The following STARD13 variants were observed in gnomAD, a reference collection of about 807,000 sequenced individuals.
The protein encoded by STARD13 is StAR related lipid transfer domain containing 13, also known as stAR-related lipid transfer protein 13.
STARD13 carries 62 observed loss-of-function variants against 106.4 expected under a neutral mutation model. The ratio of observed to expected loss-of-function variants is 0.58; its 90% CI spans 0.48 to 0.72. STARD13 has a LOEUF of 0.72. Among genes scored for constraint, STARD13 ranks in the 30% least tolerant of loss-of-function variants. The probability of loss-of-function intolerance (pLI) is 0.00; values close to 1 mark genes in which losing one functional copy is unlikely to be tolerated. For missense variants in STARD13, 1,387 were observed against 1,424.0 expected, an observed-to-expected ratio of 0.97 and a Z score of 0.42; for synonymous variants, 565 against 553.0, an observed-to-expected ratio of 1.02 and a Z score of -0.31.
the STARD13 span, among the ~76,000 whole-genome samples, chr13:33,370,678 G>T: frequency 6.8e-6 from 1 of 147,696 alleles, no homozygotes; most frequent in Non-Finnish European, 1.5e-5. Context: ...GAGTATAGTG[G>T]CGCAACCTTG....
At chr13:33,591,661 A>G in the STARD13 span, among the ~76,000 whole-genome samples, 1 of 152,212 alleles carries the variant, frequency 6.6e-6, no homozygotes, top group East Asian at 1.9e-4. Flanking sequence ...TTTGGAGAAA[A>G]GGGATTCTGC....
chr13:33,239,434 T>C (rs1889357653), intron 1 of STARD13, among the ~76,000 whole-genome samples: 1 of 152,168 alleles, frequency 6.6e-6, no homozygotes, highest in Non-Finnish European at 1.5e-5. Flanking sequence ...CTATTTATAA[T>C]CTTTTTTAGG....
At chr13:33,401,441 C>T in the STARD13 span, among the ~76,000 whole-genome samples, 14 of 152,166 alleles carry the variant, frequency 9.2e-5, no homozygotes, top group Admixed American at 1.3e-4. Context: ...TCCCAACAGC[C>T]GCTTGTAGAC....
the STARD13 span, among the ~76,000 whole-genome samples, chr13:33,358,120 C>G: frequency 6.6e-6 from 1 of 152,250 alleles, no homozygotes; most frequent in African/African-American, 2.4e-5. Flanking sequence ...GACTTAGCAC[C>G]CGGGCCAGTG....
At chr13:33,480,142 A>G in the STARD13 span, among the ~76,000 whole-genome samples, 3 of 152,170 alleles carry the variant, frequency 2.0e-5, no homozygotes, top group Admixed American at 6.5e-5. Context: ...CACATATGCT[A>G]TATATAATTT....
chr13:33,136,005 A>G lies in STARD13; in HGVS notation c.388-5716T>C, dbSNP rs975842197. On this transcript the variant is annotated intron_variant, in intron 4 of 13. Coordinates refer to ENST00000336934, the MANE Select transcript of STARD13 (RefSeq NM_178006.4). ...GGTATGGTGGTGCATGCCTGTAGTC[A>G]CAGCTACTCGGGAGGCTGAGGCAGG... Among the ~76,000 whole-genome samples the G allele has an allele frequency of 2.0e-5, 3 of 152,044 alleles. No homozygotes were observed. The East Asian group carries it at 5.8e-4, about 29-fold the overall frequency.
At chr13:33,115,070 C>A (rs2138087053) in intron 8 of STARD13, among the ~76,000 whole-genome samples, 1 of 152,212 alleles carries the variant, frequency 6.6e-6, no homozygotes, top group Middle Eastern at 3.4e-3. Flanking sequence ...CCTCCAATTT[C>A]CACATTCTTT....
chr13:33,612,681 G>T, the STARD13 span, among the ~76,000 whole-genome samples: 5,348 of 152,192 alleles, frequency 0.035, 363 homozygotes, highest in East Asian at 0.29. Flanking sequence ...TCAACCCAAG[G>T]TCTCACTCAA....
chr13:33,539,969 C>G, the STARD13 span, among the ~76,000 whole-genome samples: 1 of 152,204 alleles, frequency 6.6e-6, no homozygotes, highest in Non-Finnish European at 1.5e-5. Flanking sequence ...TCCTACAACT[C>G]AATTACAAAC....
At chr13:33,532,894 C>A in the STARD13 span, among the ~76,000 whole-genome samples, 1 of 152,094 alleles carries the variant, frequency 6.6e-6, no homozygotes, top group South Asian at 2.1e-4. Context: ...ACAAGTGGTT[C>A]TTGTGGACCA....
chr13:33,609,236 T>C, the STARD13 span, among the ~76,000 whole-genome samples: 12 of 151,940 alleles, frequency 7.9e-5, no homozygotes, highest in African/African-American at 2.7e-4. Context: ...AAATTGCAAA[T>C]TTATTTTAAA....
At chr13:33,591,568 T>A in the STARD13 span, among the ~76,000 whole-genome samples, 6 of 152,196 alleles carry the variant, frequency 3.9e-5, no homozygotes, top group Non-Finnish European at 1.5e-5. Context: ...TAAGTCTCAT[T>A]TCATCACTAT....
chr13:33,605,988 C>T, the STARD13 span, among the ~76,000 whole-genome samples: 1 of 152,100 alleles, frequency 6.6e-6, no homozygotes, highest in Non-Finnish European at 1.5e-5. Context: ...CTCTTCATGC[C>T]TCAGATGCCT....
Position 33,104,989 on chromosome 13 carries a change from A to G in STARD13, c.*604T>C, listed in dbSNP as rs1337038966. ...TAGCAGAAACAAAGCGTTAACACAT[A>G]AGTCTCCTTTAATGTTATTTTCCTT... On this transcript the variant is annotated 3_prime_UTR_variant, in exon 14 of 14. Transcript: ENST00000336934. The G allele has an allele frequency of 6.5e-6, 1 of 152,852 alleles. No homozygotes were observed. The highest frequency in any genetic ancestry group is 1.5e-5 in the Non-Finnish European group (1 of 68,036). 9.5% of individuals were successfully genotyped at this position (152,852 alleles called of 1,614,324 possible).
chr13:33,110,494 G>A (rs1368838050), intron 11 of STARD13, among the ~76,000 whole-genome samples, 192 bp downstream of exon 11: 2 of 152,118 alleles, frequency 1.3e-5, no homozygotes, highest in East Asian at 1.9e-4. Flanking sequence ...CCAGCTGTCC[G>A]GCTCCATAGT....
At chr13:33,459,479 G>C in the STARD13 span, among the ~76,000 whole-genome samples, 1 of 152,106 alleles carries the variant, frequency 6.6e-6, no homozygotes, top group African/African-American at 2.4e-5. Context: ...TTTAGAGATA[G>C]CACAATCTGT....
the STARD13 span, among the ~76,000 whole-genome samples, chr13:33,432,999 T>G: frequency 6.6e-6 from 1 of 152,190 alleles, no homozygotes; most frequent in African/African-American, 2.4e-5. Context: ...TAAAATCATG[T>G]TATTGAATAG....
chr13:33,391,027 A>G, the STARD13 span, among the ~76,000 whole-genome samples: 1 of 152,296 alleles, frequency 6.6e-6, no homozygotes, highest in East Asian at 1.9e-4. Context: ...GTGTCACAGA[A>G]AGGATTTTCC....
intron 10 of STARD13, among the ~76,000 whole-genome samples, 154 bp from the exon 11 acceptor site, chr13:33,111,061 G>C (rs534793646): frequency 6.6e-6 from 1 of 152,222 alleles, no homozygotes; most frequent in Admixed American, 6.5e-5. Flanking sequence ...TGCCAAGGCC[G>C]GGAGGGGCCT....
Sources: gnomAD v4.1 joint callset for allele counts (sites outside exome capture counted in the v4.1 genomes callset) on GRCh38, gnomAD v4.1.1 for gene constraint, MANE v1.5 for transcripts, NCBI Gene and HGNC (gene_info 2026-07-23, HGNC 2026-07-21) for gene names.